Variants in CFAP70 observed in about 807,000 individuals in gnomAD.
The protein encoded by CFAP70 is cilia- and flagella-associated protein 70.
A neutral mutation model predicts 137.6 loss-of-function variants in CFAP70; 81 were observed. That is an observed-to-expected ratio of 0.59 (90% CI 0.49 to 0.71). CFAP70 has a LOEUF of 0.71. CFAP70 is among the 30% of genes least tolerant of loss of function. The probability of loss-of-function intolerance (pLI) is 0.00; values close to 1 mark genes in which losing one functional copy is unlikely to be tolerated. For missense variants in CFAP70, 976 were observed against 1,226.7 expected (o/e 0.80, Z 3.05); for synonymous variants, 382 against 423.6 (o/e 0.90, Z 1.20).
At chr10:73,350,999 A>G (rs1169550494) in intron 3 of CFAP70, among the ~76,000 whole-genome samples, 6 of 135,584 alleles carry the variant, frequency 4.4e-5, no homozygotes, top group East Asian at 2.1e-4. Context: ...ATATGTGTGT[A>G]TATGTGTGTA....
At chr10:73,330,912 T>G (rs2052008047) in intron 8 of CFAP70, among the ~76,000 whole-genome samples, 1 of 152,206 alleles carries the variant, frequency 6.6e-6, no homozygotes, top group Non-Finnish European at 1.5e-5. Flanking sequence ...GGATATCTGG[T>G]AATAAAGCCT....
At position 73,322,962 on chromosome 10, in the gene CFAP70, C is replaced by T. The variant is rs779938648; in HGVS notation, c.912+1G>A. On this transcript the variant is annotated splice_donor_variant, in intron 9 of 26. Transcript: ENST00000310715. LOFTEE classifies it high-confidence loss of function. ...ATGATTTTTATGCAATTTTTTCTTACCTTTTCATGGACTACACTGTCTAGG... is the reference window on the plus strand; with the variant it reads ...ATGATTTTTATGCAATTTTTTCTTATCTTTTCATGGACTACACTGTCTAGG... 6.3e-7 allele frequency: 1 copy of T among 1,580,332 alleles called. No homozygotes were observed. The highest frequency in any genetic ancestry group is 8.6e-7 in the Non-Finnish European group (1 of 1,168,588).
rs1230479071 is a variant in CFAP70, at chr10:73,353,582, T to C, written c.224A>G (p.Asp75Gly). ...GAACACAGGTTTGTGAGCGAGGTCA[T>C]CTGAAGTGATTCCTCCTTCAGGATT... Residue 75 changes from aspartate to glycine, a missense_variant, in exon 3 of 27, where the codon GAT (aspartate) becomes GGT (glycine). By Grantham distance (94) the Asp-to-Gly change is moderately conservative (BLOSUM62 -1). Coordinates refer to ENST00000310715, the Ensembl canonical transcript of CFAP70. The C allele has an allele frequency of 1.9e-6, 3 of 1,614,184 alleles. No homozygotes were observed. The South Asian group carries it at 3.3e-5, about 18-fold the overall frequency.
chr10:73,361,530 A>G (rs2055009468), upstream of CFAP70, among the ~76,000 whole-genome samples: 1 of 152,068 alleles, frequency 6.6e-6, no homozygotes, highest in Non-Finnish European at 1.5e-5. Context: ...GTATGGAAAA[A>G]GCCCTCTTTA....
chr10:73,294,252 C>A (rs78344199), intron 15 of CFAP70: 6,369 of 152,280 alleles, frequency 0.042, 384 homozygotes, highest in African/African-American at 0.13. Context: ...ACCAACACTC[C>A]ATGTCTTGTC....
At position 73,263,899 on chromosome 10, in the gene CFAP70, A is replaced by G. The variant is rs2045511508; in HGVS notation, c.3027+5715T>C. Among the ~76,000 whole-genome samples the G allele has an allele frequency of 2.0e-5, 3 of 152,174 alleles. No individual in the cohort carries two copies. In the South Asian group the frequency reaches 6.2e-4, roughly 32 times the overall value. ...CGATTTTCCAATTCCATCATTCTTC[A>G]TACATTTAGCAGTTGGCCTTTGACT... is the stretch of plus-strand genomic sequence containing the variant. On this transcript the variant is annotated intron_variant, in intron 25 of 26. Coordinates refer to ENST00000310715, the Ensembl canonical transcript of CFAP70.
At chr10:73,273,080 TGATCATGG>T (rs1322224895) in intron 23 of CFAP70, 63 bp from the exon 25 acceptor site, 3 of 1,253,274 alleles carry the variant, frequency 2.4e-6, no homozygotes, top group Admixed American at 4.0e-5. Flanking sequence ...ATTGCTGGGA[TGATCATGG>T]GATCTCTGAT....
intron 1 of CFAP70, among the ~76,000 whole-genome samples, chr10:73,358,232 G>A (rs1368728132): frequency 6.6e-6 from 1 of 152,258 alleles, no homozygotes; most frequent in Non-Finnish European, 1.5e-5. Context: ...CTGGCACCAT[G>A]TCTTGTACAC....
At chr10:73,351,819 T>A (rs900987587) in intron 3 of CFAP70, among the ~76,000 whole-genome samples, 1 of 152,276 alleles carries the variant, frequency 6.6e-6, no homozygotes. Flanking sequence ...CCTATTGTTA[T>A]GAATCTCTGG....
At chr10:73,260,038 GA>G (rs1185184015) in intron 25 of CFAP70, among the ~76,000 whole-genome samples, 2 of 146,072 alleles carry the variant, frequency 1.4e-5, no homozygotes, top group African/African-American at 5.0e-5. Context: ...AAAAAAAAAA[GA>G]AAAAAAAAGG....
chr10:73,281,470 A>T (rs1399132083), intron 19 of CFAP70, among the ~76,000 whole-genome samples: 1 of 151,512 alleles, frequency 6.6e-6, no homozygotes, highest in Non-Finnish European at 1.5e-5. Flanking sequence ...AGAAGTGTAT[A>T]TTTCCAAATA....
chr10:73,331,522 A>G (rs955695085), intron 7 of CFAP70, among the ~76,000 whole-genome samples: 1 of 152,086 alleles, frequency 6.6e-6, no homozygotes, highest in Non-Finnish European at 1.5e-5. Flanking sequence ...TCTATGAAAA[A>G]TACAAAAAAT....
exon 10 of CFAP70, chr10:73,312,520 G>A (rs761980322): frequency 1.2e-6 from 2 of 1,612,296 alleles, no homozygotes; most frequent in South Asian, 2.2e-5. Flanking sequence ...TCTTTCACTG[G>A]TTTATCTTCT....
In CFAP70 at chr10:73,278,389, A is replaced by G. The variant is rs1386267273; in HGVS notation, c.2240-52T>C. ...ATAAAACTTCTTACATTGGGTGTTT[A>G]AAGGTTATTGTAAGAGATACATTTT... On this transcript the variant is annotated intron_variant, in intron 19 of 26. Coordinates refer to ENST00000310715, the Ensembl canonical transcript of CFAP70. 3 of 1,493,970 alleles carry G rather than the reference A, an allele frequency of 2.0e-6. No homozygotes were observed. In the South Asian group the frequency reaches 3.7e-5, roughly 18 times the overall value. 92.5% of individuals were successfully genotyped at this position (1,493,970 alleles called of 1,614,324 possible).
chr10:73,266,586 T>C (rs549784278), intron 25 of CFAP70, among the ~76,000 whole-genome samples: 2 of 152,340 alleles, frequency 1.3e-5, no homozygotes, highest in South Asian at 4.1e-4. Context: ...CCATTTCATA[T>C]AATAGTTTAG....
At chr10:73,353,646 C>G in exon 3 of CFAP70, 1 of 1,614,154 alleles carries the variant, frequency 6.2e-7, no homozygotes, top group East Asian at 2.2e-5. Flanking sequence ...TTTGCACTTC[C>G]TTCTGGAGAA....
At chr10:73,359,895 T>TAA (rs112418911), upstream of CFAP70, among the ~76,000 whole-genome samples, 6,427 of 150,136 alleles carry the variant, frequency 0.043, 417 homozygotes, top group African/African-American at 0.14. Context: ...TGAAACACAC[T>TAA]AAAAAAAAAC....
At chr10:73,293,648 A>G (rs2048333822) in intron 15 of CFAP70, 1 of 308,308 alleles carries the variant, frequency 3.2e-6, no homozygotes, top group Non-Finnish European at 6.0e-6. Context: ...TAGGGCAGAA[A>G]TAACTGCCTC....
chr10:73,310,571 A>G (rs2049827142), intron 11 of CFAP70, among the ~76,000 whole-genome samples: 1 of 152,188 alleles, frequency 6.6e-6, no homozygotes, highest in East Asian at 1.9e-4. Context: ...TCTTTCTTCC[A>G]GCAACCTTCT....
Sources: gnomAD v4.1 joint callset for allele counts (sites outside exome capture counted in the v4.1 genomes callset) on GRCh38, gnomAD v4.1.1 for gene constraint, MANE v1.5 for transcripts, NCBI Gene and HGNC (gene_info 2026-07-23, HGNC 2026-07-21) for gene names.